The following DCLRE1C variants were observed in gnomAD, a reference collection of about 807,000 sequenced individuals.
DCLRE1C encodes the protein protein artemis.
Under a neutral mutation model 61.4 loss-of-function variants are expected in DCLRE1C, and 47 were observed. That is an observed-to-expected ratio of 0.77 (90% CI 0.61 to 0.98). DCLRE1C has a LOEUF of 0.98. DCLRE1C is among the 50% of genes least tolerant of loss of function. The pLI is 0.00. For synonymous variants in DCLRE1C, 337 were observed against 287.6 expected, an observed-to-expected ratio of 1.17 and a Z score of -1.74; for missense variants, 858 against 816.0, an observed-to-expected ratio of 1.05 and a Z score of -0.63.
chr10:14,908,243 C>CA lies in DCLRE1C; in HGVS notation c.*164dup, dbSNP rs1834638502. On this transcript the variant is annotated 3_prime_UTR_variant, in exon 14 of 14. Transcript: ENST00000378278. The stretch of plus-strand genomic sequence containing the variant: ...CAGGCTGGTGTCGAACTCCTGGGCT[C>CA]AAGCCATTGCCCACCTCAAAGTGCT... 2 of 556,806 alleles carry CA rather than the reference C, an allele frequency of 3.6e-6. No individual in the cohort carries two copies. Among genetic ancestry groups the CA allele is most frequent in the Non-Finnish European group, 6.3e-6 (2 of 317,282 alleles). 34.5% of individuals were successfully genotyped at this position (556,806 alleles called of 1,614,324 possible). A position where few individuals can be genotyped will look rare whatever the true frequency, so the allele number is the denominator to read the frequency against.
upstream of DCLRE1C, chr10:14,954,252 G>A (rs1251169660): frequency 1.5e-5 from 9 of 619,568 alleles, no homozygotes; most frequent in Non-Finnish European, 2.6e-5. Context: ...TGGGCCCTGA[G>A]CCCTGCCCAG....
chr10:14,954,152 C>A (rs1564497677), upstream of DCLRE1C: 1 of 1,443,352 alleles, frequency 6.9e-7, no homozygotes, highest in Non-Finnish European at 9.4e-7. Flanking sequence ...CAGAGGAGTC[C>A]GGAGACCGGG....
rs778173724 is a variant in DCLRE1C at position 14,935,608 on chromosome 10, A to G, written c.363-44T>C. On this transcript the variant is annotated intron_variant, in intron 5 of 13. Coordinates refer to ENST00000378278, the MANE Select transcript of DCLRE1C (RefSeq NM_001033855.3). ...CCAGTGACTTCTGAGTCTCATATAA[A>G]CTCCCAATAAAGCAAATACATGTGA... The G allele has an allele frequency of 3.8e-6, 6 of 1,570,122 alleles. No homozygotes were observed. In the African/African-American group the frequency reaches 8.1e-5, roughly 21 times the overall value.
At position 14,907,416 on chromosome 10, in the gene DCLRE1C, T is replaced by C. The variant is rs1457635244; in HGVS notation, c.*992A>G. Among the ~76,000 whole-genome samples, 3 of 151,944 alleles carry C rather than the reference T, an allele frequency of 2.0e-5. No homozygotes were observed. The highest frequency in any genetic ancestry group is 7.3e-5 in the African/African-American group (3 of 41,316). ...AGTTTGGGGTGGTGTGTTCTATAAATGTCAATTTAATCCAGTCGGCTTATG... is the reference window on the plus strand; with the variant it reads ...AGTTTGGGGTGGTGTGTTCTATAAACGTCAATTTAATCCAGTCGGCTTATG... On this transcript the variant is annotated 3_prime_UTR_variant, in exon 14 of 14. Coordinates refer to ENST00000378278, the MANE Select transcript of DCLRE1C (RefSeq NM_001033855.3).
chr10:14,947,083 G>C (rs529011466), intron 2 of DCLRE1C, among the ~76,000 whole-genome samples: 2 of 152,076 alleles, frequency 1.3e-5, no homozygotes, highest in African/African-American at 4.8e-5. Flanking sequence ...TTAGAGGCAC[G>C]TGCCTGTAGT....
At chr10:14,910,864 A>T (rs567634114) in intron 13 of DCLRE1C, among the ~76,000 whole-genome samples, 1 of 152,222 alleles carries the variant, frequency 6.6e-6, no homozygotes, top group Non-Finnish European at 1.5e-5. Flanking sequence ...ATTAAGGACA[A>T]TGACATGAGA....
chr10:14,901,345 G>C (rs1445974367), downstream of DCLRE1C: 17 of 1,555,858 alleles, frequency 1.1e-5, no homozygotes, highest in East Asian at 2.3e-5. Context: ...TTAGATATTT[G>C]AACCAAACCT....
intron 4 of DCLRE1C, among the ~76,000 whole-genome samples, chr10:14,937,893 C>CAAAAAAAAA (rs749452841): frequency 2.5e-5 from 1 of 40,636 alleles, no homozygotes; most frequent in Non-Finnish European, 5.2e-5. Context: ...GGCTCAGTCT[C>CAAAAAAAAA]AAAAAAAAAA....
downstream of DCLRE1C, chr10:14,902,579 C>A: frequency 1.0e-6 from 1 of 992,842 alleles, no homozygotes; most frequent in Non-Finnish European, 1.4e-6. Context: ...TTTAAAAATA[C>A]ATATTTGGGA....
Position 14,908,256 on chromosome 10 carries a change from A to AG in DCLRE1C, c.*151_*152insC. On this transcript the variant is annotated 3_prime_UTR_variant, in exon 14 of 14. Coordinates refer to ENST00000378278, the MANE Select transcript of DCLRE1C (RefSeq NM_001033855.3). ...AACTCCTGGGCTCAAGCCATTGCCC[A>AG]CCTCAAAGTGCTGGGATTACAAGTG... The AG allele has an allele frequency of 1.7e-6, 1 of 604,202 alleles. No homozygotes were observed. The highest frequency in any genetic ancestry group is 2.8e-6 in the Non-Finnish European group (1 of 353,570). 37.4% of individuals were successfully genotyped at this position (604,202 alleles called of 1,614,324 possible).
At chr10:14,950,158 C>T (rs4443972) in intron 1 of DCLRE1C, among the ~76,000 whole-genome samples, 111,812 of 151,776 alleles carry the variant, frequency 0.74, 41,306 homozygotes, top group Admixed American at 0.78. Flanking sequence ...CTGACCAATA[C>T]GGAGATACCC....
At chr10:14,899,522 C>G (rs745322597) in intron 13 of DCLRE1C, 2 of 1,612,900 alleles carry the variant, frequency 1.2e-6, no homozygotes, top group Middle Eastern at 1.7e-4. Context: ...AATATACTTA[C>G]AGTTTTTTCT....
Position 14,936,517 on chromosome 10 carries a change from CAAAAT to C in DCLRE1C, c.362+16_362+20del. On this transcript the variant is annotated intron_variant, in intron 5 of 13. Transcript: ENST00000378278. ...TATGTGTCTACATATAATAAAATGA[CAAAAT>C]AAATGACCCCCTTACATAACTGATC... 1 of 1,601,280 alleles carries C rather than the reference CAAAAT, an allele frequency of 6.2e-7. No homozygotes were observed. Among genetic ancestry groups the C allele is most frequent in the African/African-American group, 1.3e-5 (1 of 74,714 alleles).
intron 3 of DCLRE1C, among the ~76,000 whole-genome samples, chr10:14,943,671 G>C (rs1841229896): frequency 1.3e-5 from 2 of 152,162 alleles, no homozygotes; most frequent in African/African-American, 4.8e-5. Flanking sequence ...TCCTGCCTCA[G>C]CATCCCAAGG....
intron 4 of DCLRE1C, among the ~76,000 whole-genome samples, chr10:14,937,972 G>A (rs188939047): frequency 4.1e-4 from 62 of 151,484 alleles, no homozygotes; most frequent in African/African-American, 1.3e-3. Flanking sequence ...CATACTGTTC[G>A]GCAAGGGCAA....
intron 11 of DCLRE1C, among the ~76,000 whole-genome samples, chr10:14,925,224 TTAA>T (rs1407726607): frequency 1.9e-4 from 22 of 116,538 alleles, no homozygotes; most frequent in African/African-American, 8.9e-4. Flanking sequence ...AATAAAGGAT[TTAA>T]AAAAAAAAAA....
intron 9 of DCLRE1C, 133 bp downstream of exon 9, chr10:14,932,721 T>G (rs1001889659): frequency 3.0e-6 from 3 of 1,013,886 alleles, no homozygotes; most frequent in African/African-American, 1.6e-5. Context: ...TCCATGACCT[T>G]GAGCTAACAA....
chr10:14,914,428 A>G (rs1423097652), intron 13 of DCLRE1C, among the ~76,000 whole-genome samples: 1 of 152,216 alleles, frequency 6.6e-6, no homozygotes, highest in East Asian at 1.9e-4. Context: ...CACAATTACA[A>G]CTGGAGATTG....
chr10:14,913,158 A>G (rs144052617), intron 13 of DCLRE1C, among the ~76,000 whole-genome samples: 79 of 152,384 alleles, frequency 5.2e-4, no homozygotes, highest in African/African-American at 1.7e-3. Context: ...GCCTGGCCAT[A>G]TGAGTTCTCT....
Sources: allele counts gnomAD v4.1 joint callset (sites outside exome capture counted in the v4.1 genomes callset), GRCh38; gene constraint gnomAD v4.1.1; transcripts MANE v1.5; gene names NCBI Gene and HGNC (gene_info 2026-07-23, HGNC 2026-07-21).